Variants in COL11A2 observed in about 807,000 individuals in gnomAD.
COL11A2 encodes collagen alpha-2(XI) chain.
Under a neutral mutation model 273.4 loss-of-function variants are expected in COL11A2, and 116 were observed. The observed-to-expected ratio is 0.42, with a 90% CI of 0.36 to 0.49. The LOEUF (loss-of-function observed/expected upper bound fraction) is 0.49. Ranked by LOEUF, COL11A2 falls within the 20% of genes least tolerant of loss-of-function variation. The probability of loss-of-function intolerance (pLI) is 0.00; values close to 1 mark genes in which losing one functional copy is unlikely to be tolerated. For missense variants in COL11A2, 1,866 were observed against 2,309.0 expected, an observed-to-expected ratio of 0.81 and a Z score of 3.93; for synonymous variants, 782 against 864.2, an observed-to-expected ratio of 0.90 and a Z score of 1.67.
At position 33,164,767 on chromosome 6, in the gene COL11A2, G is replaced by A. The variant is rs899091816; in HGVS notation, c.4863+85C>T. Reference sequence around the variant, plus strand: ...GCTCCGGGGGGGGCAACAGCCAGGGGACTGTCACCAAAACCCAGAAACCAC... The same window carrying A: ...GCTCCGGGGGGGGCAACAGCCAGGGAACTGTCACCAAAACCCAGAAACCAC... On this transcript the variant is annotated intron_variant, in intron 64 of 65. Coordinates refer to ENST00000341947, the MANE Select transcript of COL11A2 (RefSeq NM_080680.3). The surrounding 1 kb of genome is among the most constrained non-coding windows in gnomAD (Gnocchi z 4.7). The A allele has an allele frequency of 2.7e-5, 33 of 1,212,838 alleles. No individual in the cohort carries two copies. Among genetic ancestry groups the A allele is most frequent in the Non-Finnish European group, 3.4e-5 (29 of 846,220 alleles). 75.1% of individuals were successfully genotyped at this position (1,212,838 alleles called of 1,614,324 possible).
At chr6:33,180,886 T>C in intron 10 of COL11A2, 78 bp downstream of exon 10, 1 of 1,586,134 alleles carries the variant, frequency 6.3e-7, no homozygotes, top group African/African-American at 1.3e-5. Context: ...GGCCTGGGCA[T>C]ATGTGGGGAA....
rs1413978411 is a variant in COL11A2 at position 33,165,081 on chromosome 6, G to A, written c.4751-117C>T. On this transcript the variant is annotated intron_variant, in intron 63 of 65. Coordinates refer to ENST00000341947, the MANE Select transcript of COL11A2 (RefSeq NM_080680.3). The surrounding 1 kb of genome is among the most constrained non-coding windows in gnomAD (Gnocchi z 7.7). ...TCCCCATCATGCTCTTAGTCTCCTG[G>A]TCCTCCTCCCTCCCAGAGCCCTAGA... 3 of 765,736 alleles carry A rather than the reference G, an allele frequency of 3.9e-6. No homozygotes were observed. The highest frequency in any genetic ancestry group is 6.7e-6 in the Non-Finnish European group (3 of 446,994). The allele number at this position is 765,736 out of a possible 1,614,324, so 47.4% of individuals were successfully genotyped here.
chr6:33,188,861 G>A, intron 3 of COL11A2, 117 bp downstream of exon 3: 1 of 1,174,430 alleles, frequency 8.5e-7, no homozygotes. Context: ...TGGGCAGTGG[G>A]TAGGTGTGGT....
At position 33,177,558 on chromosome 6, in the gene COL11A2, G is replaced by A; in HGVS notation, c.1918-93C>T. The stretch of plus-strand genomic sequence containing the variant: ...GAGTCCCAGCAGCGATAGCCAAGAA[G>A]GCAAGAGCAGGAAGCAGGCAGGGGT... On this transcript the variant is annotated intron_variant, in intron 22 of 65. Transcript: ENST00000341947. This position sits in a 1 kb window ranked among gnomAD's most constrained non-coding sequence, Gnocchi z 5.9. 1 of 1,585,374 alleles carries A rather than the reference G, an allele frequency of 6.3e-7. No homozygotes were observed. Among genetic ancestry groups the A allele is most frequent in the Non-Finnish European group, 8.6e-7 (1 of 1,156,354 alleles).
chr6:33,167,760 G>A lies in COL11A2; in HGVS notation c.4014+39C>T, dbSNP rs374579017. 2.7e-5 allele frequency: 43 copies of A among 1,610,820 alleles called. No individual in the cohort carries two copies. In the Admixed American group the frequency reaches 2.8e-4, roughly 11 times the overall value. ...CGGAGGCATCTGAGGGGTGGGAGGC[G>A]GAGGGGATGCTCCAGCACTAGGGCA... is the stretch of plus-strand genomic sequence containing the variant. On this transcript the variant is annotated intron_variant, in intron 55 of 65. Transcript: ENST00000341947. This position sits in a 1 kb window ranked among gnomAD's most constrained non-coding sequence, Gnocchi z 6.1.
chr6:33,171,271 A>T lies in COL11A2; in HGVS notation c.3312T>A (p.His1104Gln). The T allele has an allele frequency of 6.2e-7, 1 of 1,614,148 alleles. No individual in the cohort carries two copies. The highest frequency in any genetic ancestry group is 8.5e-7 in the Non-Finnish European group (1 of 1,180,032). ...AGAAGTCAAGGTCATGGACACTTAC[A>T]TGTTCACCCTTGTTCCCTTTGGTGC... is the stretch of plus-strand genomic sequence containing the variant. Reference protein sequence around the residue: ...QKGTKGNKGEHGPPGPPGPIG... With the variant: ...QKGTKGNKGEQGPPGPPGPIG... Residue 1104 changes from histidine to glutamine, a missense_variant and splice_region_variant, in exon 44 of 66, where the codon CAT (histidine) becomes CAA (glutamine). Transcript: ENST00000341947.
chr6:33,167,156 G>T lies in COL11A2; in HGVS notation c.4177-33C>A. The T allele has an allele frequency of 6.2e-7, 1 of 1,614,038 alleles. No homozygotes were observed. The highest frequency in any genetic ancestry group is 1.7e-5 in the Admixed American group (1 of 60,032). Reference sequence around the variant, plus strand: ...GAGATGGGAAGTCATTCTCTTAAGGGAGAGGTGGGACCAAGTTCTCCCCAA... The same window carrying T: ...GAGATGGGAAGTCATTCTCTTAAGGTAGAGGTGGGACCAAGTTCTCCCCAA... On this transcript the variant is annotated intron_variant, in intron 57 of 65. Transcript: ENST00000341947. This position sits in a 1 kb window ranked among gnomAD's most constrained non-coding sequence, Gnocchi z 6.1.
intron 3 of COL11A2, 116 bp downstream of exon 3, chr6:33,188,862 T>A: frequency 6.0e-6 from 7 of 1,175,740 alleles, no homozygotes; most frequent in Non-Finnish European, 8.9e-6. Context: ...GGGCAGTGGG[T>A]AGGTGTGGTG....
At position 33,177,485 on chromosome 6, in the gene COL11A2, C is replaced by G; in HGVS notation, c.1918-20G>C. On this transcript the variant is annotated intron_variant, in intron 22 of 65. Coordinates refer to ENST00000341947, the MANE Select transcript of COL11A2 (RefSeq NM_080680.3). The surrounding 1 kb of genome is among the most constrained non-coding windows in gnomAD (Gnocchi z 5.9). ...GGGTCCCTAGAAACAGGTGACCAGGCACAGGTCAGAAGGAGATGGAGATAG... is the reference window on the plus strand; with the variant it reads ...GGGTCCCTAGAAACAGGTGACCAGGGACAGGTCAGAAGGAGATGGAGATAG... 3 of 1,612,350 alleles carry G rather than the reference C, an allele frequency of 1.9e-6. No homozygotes were observed. Among genetic ancestry groups the G allele is most frequent in the Non-Finnish European group, 2.5e-6 (3 of 1,179,548 alleles).
At chr6:33,174,135 C>T (rs769165337) in intron 32 of COL11A2, 30 bp downstream of exon 32, 1 of 1,601,394 alleles carries the variant, frequency 6.2e-7, no homozygotes, top group Non-Finnish European at 8.5e-7. Flanking sequence ...CAGCCCTTCC[C>T]TTCTCACGCC....
intron 1 of COL11A2, among the ~76,000 whole-genome samples, chr6:33,191,520 C>G (rs1773104284): frequency 6.6e-6 from 1 of 152,218 alleles, no homozygotes; most frequent in Admixed American, 6.5e-5. Flanking sequence ...GGAGGAGGGG[C>G]TAGGCAGGAA....
chr6:33,171,834 T>A lies in COL11A2; in HGVS notation c.3043-14A>T. 1 of 1,612,236 alleles carries A rather than the reference T, an allele frequency of 6.2e-7. No homozygotes were observed. The highest frequency in any genetic ancestry group is 1.1e-5 in the South Asian group (1 of 91,032). ...CCCAGGGGAGCCCTGAGAAAGCAGA[T>A]GGTCAGACCCCCAGGAAGGAGACAC... On this transcript the variant is annotated splice_polypyrimidine_tract_variant and intron_variant, in intron 41 of 65. Coordinates refer to ENST00000341947, the MANE Select transcript of COL11A2 (RefSeq NM_080680.3).
rs767536947 is a variant in COL11A2 at position 33,174,172 on chromosome 6, C to G, written c.2477G>C (p.Gly826Ala). 26 of 1,585,448 alleles carry G rather than the reference C, an allele frequency of 1.6e-5. 1 individual carries two copies. The highest frequency in any genetic ancestry group is 2.0e-5 in the Non-Finnish European group (23 of 1,165,638). Residue 826 changes from glycine to alanine, a missense_variant, in exon 32 of 66, where the codon GGA becomes GCA. By Grantham distance (60) the Gly-to-Ala change is moderately conservative. Coordinates refer to ENST00000341947, the MANE Select transcript of COL11A2 (RefSeq NM_080680.3). ...TCCCACCCCCCAGCTTACCCGGGCT[C>G]CCTTCTCTCCACTGGCACCAGGAAA... ...PGFPGASGEK[G>A]ARGLSGKSGP... is the part of the protein sequence containing the mutation.
In COL11A2 at chr6:33,189,334, C is replaced by T. The variant is rs780662619; in HGVS notation, c.218G>A (p.Arg73His). The T allele has an allele frequency of 3.1e-6, 5 of 1,613,656 alleles. No homozygotes were observed. Among genetic ancestry groups the T allele is most frequent in the African/African-American group, 1.3e-5 (1 of 75,016 alleles). Residue 73 changes from arginine (R) to histidine (H), a missense_variant, in exon 2 of 66, where the codon CGC (arginine) becomes CAC (histidine). By Grantham distance (29) the Arg-to-His change is conservative (BLOSUM62 0). Transcript: ENST00000341947. This position sits in a 1 kb window ranked among gnomAD's most constrained non-coding sequence, Gnocchi z 5.6. ...ARPAQLSAPT[R>H]QLFPGGFPKD... is the part of the protein sequence containing the mutation. ...GTCACCCATACCTGGGAAAAGCTGG[C>T]GAGTGGGTGCACTGAGCTGGGCAGG...
rs114894582 is a variant in COL11A2 at position 33,190,243 on chromosome 6, C to T, written c.83-774G>A. Among the ~76,000 whole-genome samples the T allele has an allele frequency of 0.11, 16,194 of 151,950 alleles. 1,303 individuals carry two copies. Among genetic ancestry groups the T allele is most frequent in the Admixed American group, 0.23 (3,498 of 15,278 alleles). Reference sequence around the variant, plus strand: ...AGGGGCTGAAGCTGCCACGAGGAGCCGGAACAGGTCCAGGGCCCTGAGCCA... The same window carrying T: ...AGGGGCTGAAGCTGCCACGAGGAGCTGGAACAGGTCCAGGGCCCTGAGCCA... On this transcript the variant is annotated intron_variant, in intron 1 of 65. Transcript: ENST00000341947. The surrounding 1 kb of genome is among the most constrained non-coding windows in gnomAD (Gnocchi z 4.5).
Position 33,167,561 on chromosome 6 carries a change from G to A in COL11A2, c.4015-28C>T, listed in dbSNP as rs1334698856. On this transcript the variant is annotated intron_variant, in intron 55 of 65. Coordinates refer to ENST00000341947, the MANE Select transcript of COL11A2 (RefSeq NM_080680.3). The surrounding 1 kb of genome is among the most constrained non-coding windows in gnomAD (Gnocchi z 6.1). ...GAAACACACACAAGGAATGTGTCCT[G>A]AATGGCAGAGGAGTGGGGTGTGGGC... is the stretch of plus-strand genomic sequence containing the variant. 1 of 1,608,068 alleles carries A rather than the reference G, an allele frequency of 6.2e-7. No individual in the cohort carries two copies.
rs752956878 is a variant in COL11A2 at position 33,189,290 on chromosome 6, C to G, written c.232+30G>C. The G allele has an allele frequency of 2.4e-4, 381 of 1,614,070 alleles. 1 individual carries two copies. Among genetic ancestry groups the G allele is most frequent in the Non-Finnish European group, 3.1e-4 (365 of 1,180,016 alleles). ...CCTAGGCCCCATCCCATTACCTCCC[C>G]CCAGGCCTACCCCACCATGTCACCC... On this transcript the variant is annotated intron_variant, in intron 2 of 65. Transcript: ENST00000341947. This position sits in a 1 kb window ranked among gnomAD's most constrained non-coding sequence, Gnocchi z 5.6.
At position 33,167,217 on chromosome 6, in the gene COL11A2, C is replaced by G. The variant is rs377598435; in HGVS notation, c.4176+47G>C. 5.2e-5 allele frequency: 84 copies of G among 1,613,746 alleles called. 1 individual carries two copies. The highest frequency in any genetic ancestry group is 6.8e-5 in the Non-Finnish European group (80 of 1,179,740). ...TTCCTCCAGGGCTTCAGCTCTGTCC[C>G]AGGGCACTGCCCTCACCCCTCACTC... On this transcript the variant is annotated intron_variant, in intron 57 of 65. Coordinates refer to ENST00000341947, the MANE Select transcript of COL11A2 (RefSeq NM_080680.3). The surrounding 1 kb of genome is among the most constrained non-coding windows in gnomAD (Gnocchi z 6.1).
chr6:33,174,366 C>G (rs1395458790), intron 31 of COL11A2, 148 bp from the exon 32 acceptor site: 2 of 1,388,412 alleles, frequency 1.4e-6, no homozygotes, highest in Non-Finnish European at 2.0e-6. Flanking sequence ...CAAACCCCTG[C>G]TGCTCTCTGG....
Sources: gnomAD v4.1 joint callset for allele counts (sites outside exome capture counted in the v4.1 genomes callset) on GRCh38, gnomAD v4.1.1 for gene constraint, Gnocchi (gnomAD v3.1) non-coding constraint, MANE v1.5 for transcripts, NCBI Gene and HGNC (gene_info 2026-07-23, HGNC 2026-07-21) for gene names.